ABLIM1: variants seen among roughly 807,000 people sequenced by gnomAD.
ABLIM1 encodes actin-binding LIM protein 1.
A neutral mutation model predicts 107.0 loss-of-function variants in ABLIM1; 40 were observed. The ratio of observed to expected loss-of-function variants is 0.37; its 90% CI spans 0.29 to 0.49. The LOEUF (loss-of-function observed/expected upper bound fraction) is 0.49, where lower values mean the gene tolerates loss of function less well. Among genes scored for constraint, ABLIM1 ranks in the 20% least tolerant of loss-of-function variants. ABLIM1 has a pLI of 0.97. For missense variants in ABLIM1, 857 were observed against 1,008.5 expected (o/e 0.85, Z 2.04); for synonymous variants, 357 against 357.3 (o/e 1.00, Z 0.01).
At chr10:114,498,640 C>T (rs535531931) in intron 6 of ABLIM1, among the ~76,000 whole-genome samples, 7 of 152,328 alleles carry the variant, frequency 4.6e-5, no homozygotes, top group Non-Finnish European at 8.8e-5. Flanking sequence ...CCTTAATCCA[C>T]TTATAACTTA....
chr10:114,574,220 T>C (rs1175817027), intron 3 of ABLIM1, among the ~76,000 whole-genome samples: 1 of 152,088 alleles, frequency 6.6e-6, no homozygotes, highest in African/African-American at 2.4e-5. Context: ...AGCAAATAGA[T>C]CTCCACTTGA....
intron 12 of ABLIM1, among the ~76,000 whole-genome samples, chr10:114,463,907 A>G (rs192624567): frequency 9.8e-5 from 15 of 152,322 alleles, no homozygotes; most frequent in Non-Finnish European, 1.9e-4. Flanking sequence ...TTAAAGCCTA[A>G]CAAGTGGCAT....
Position 114,509,267 on chromosome 10 carries a change from G to T in ABLIM1, c.895-17389C>A, listed in dbSNP as rs1565699290. On this transcript the variant is annotated intron_variant, in intron 6 of 22. Coordinates refer to ENST00000533213, the MANE Select transcript of ABLIM1 (RefSeq NM_002313.7). ...GTGCGGTGTGAGAAAGGACTCCCAGGACGAGTCAGGGTGAGGCGCCAGCAG... is the reference window on the plus strand; with the variant it reads ...GTGCGGTGTGAGAAAGGACTCCCAGTACGAGTCAGGGTGAGGCGCCAGCAG... 2.0e-5 allele frequency among the ~76,000 whole-genome samples: 3 copies of T among 152,164 alleles called. No homozygotes were observed. In the East Asian group the frequency reaches 5.8e-4, roughly 29 times the overall value.
At chr10:114,601,706 G>C in intron 2 of ABLIM1, 121 bp downstream of exon 2, 2 of 1,486,360 alleles carry the variant, frequency 1.3e-6, no homozygotes, top group Non-Finnish European at 1.9e-6. Context: ...ATGATGTCAG[G>C]GCTTCTGAGA....
At chr10:114,632,142 C>G in intron 1 of ABLIM1, 1 of 985,410 alleles carries the variant, frequency 1.0e-6, no homozygotes, top group African/African-American at 1.7e-5. Context: ...CTCCGCCCGC[C>G]CGCCGAGCTG....
chr10:114,676,252 G>A (rs2080477170), intron 1 of ABLIM1, among the ~76,000 whole-genome samples: 1 of 152,204 alleles, frequency 6.6e-6, no homozygotes, highest in Non-Finnish European at 1.5e-5. Context: ...GCCGAGGTGG[G>A]TGAATCACGA....
At chr10:114,579,565 T>C (rs1208457619) in intron 2 of ABLIM1, among the ~76,000 whole-genome samples, 2 of 152,252 alleles carry the variant, frequency 1.3e-5, no homozygotes, top group African/African-American at 4.8e-5. Context: ...GTCCATTTTG[T>C]AATTTTATTT....
At chr10:114,674,885 G>C (rs1025910337) in intron 1 of ABLIM1, among the ~76,000 whole-genome samples, 29 of 152,112 alleles carry the variant, frequency 1.9e-4, no homozygotes, top group African/African-American at 7.0e-4. Flanking sequence ...ATGAAAGTTT[G>C]TGGGAGGCTG....
At chr10:114,656,352 G>A (rs183962001) in intron 1 of ABLIM1, among the ~76,000 whole-genome samples, 4 of 151,566 alleles carry the variant, frequency 2.6e-5, no homozygotes, top group Admixed American at 2.6e-4. Flanking sequence ...ATATGCTGCT[G>A]GTGGGAATGT....
intron 4 of ABLIM1, among the ~76,000 whole-genome samples, chr10:114,562,651 G>C (rs1034695654): frequency 1.3e-5 from 2 of 152,192 alleles, no homozygotes; most frequent in Non-Finnish European, 2.9e-5. Context: ...AAATAACAGA[G>C]AGTTTAAACA....
chr10:114,690,688 A>ATT, intron 1 of ABLIM1: 160 of 404,258 alleles, frequency 4.0e-4, no homozygotes, highest in Middle Eastern at 9.2e-4. Flanking sequence ...GCAAAAGCCT[A>ATT]TTTTTTTTTT....
At chr10:114,740,608 T>C (rs2082266831) in intron 1 of ABLIM1, among the ~76,000 whole-genome samples, 1 of 152,090 alleles carries the variant, frequency 6.6e-6, no homozygotes, top group Non-Finnish European at 1.5e-5. Context: ...ATTAGTACTA[T>C]ACTGATTAGA....
intron 1 of ABLIM1, among the ~76,000 whole-genome samples, chr10:114,692,316 A>G (rs1044986719): frequency 6.6e-6 from 1 of 152,242 alleles, no homozygotes; most frequent in Admixed American, 6.5e-5. Flanking sequence ...AAAGATTTCA[A>G]AGATTTCTGA....
At position 114,436,181 on chromosome 10, in the gene ABLIM1, A is replaced by G; in HGVS notation, c.*79T>C. ...ACGGTAGTTTGCAAATTCTCCAATC[A>G]AGTTTGGGCCTCAATATGACATCCT... On this transcript the variant is annotated 3_prime_UTR_variant, in exon 23 of 23. Coordinates refer to ENST00000533213, the MANE Select transcript of ABLIM1 (RefSeq NM_002313.7). 1.7e-6 allele frequency: 2 copies of G among 1,144,918 alleles called. No homozygotes were observed. Among genetic ancestry groups the G allele is most frequent in the Non-Finnish European group, 2.5e-6 (2 of 789,568 alleles). 70.9% of individuals were successfully genotyped at this position (1,144,918 alleles called of 1,614,324 possible).
Position 114,520,220 on chromosome 10 carries a change from C to A in ABLIM1, c.894+24785G>T, listed in dbSNP as rs145585558. On this transcript the variant is annotated intron_variant, in intron 6 of 22. Transcript: ENST00000533213. ...GCTCCATGGAGTCACAGCTCCAAGC[C>A]AGCTTACAGCATTACATTTATATGT... Among the ~76,000 whole-genome samples, 174 of 152,302 alleles carry A rather than the reference C, an allele frequency of 1.1e-3. 1 individual carries two copies. Among genetic ancestry groups the A allele is most frequent in the African/African-American group, 4.0e-3 (166 of 41,560 alleles).
chr10:114,485,312 C>T, intron 8 of ABLIM1: 1 of 1,612,318 alleles, frequency 6.2e-7, no homozygotes, highest in Non-Finnish European at 8.5e-7. Flanking sequence ...GAGACGGAGA[C>T]CGTCCTGTGC....
chr10:114,530,682 C>T (rs1351471220), intron 6 of ABLIM1, among the ~76,000 whole-genome samples: 7 of 151,974 alleles, frequency 4.6e-5, no homozygotes, highest in African/African-American at 1.2e-4. Flanking sequence ...TACAGGCATC[C>T]GCCACCATAG....
chr10:114,583,698 G>C (rs1027099318), intron 2 of ABLIM1, among the ~76,000 whole-genome samples: 1 of 151,688 alleles, frequency 6.6e-6, no homozygotes, highest in Admixed American at 6.6e-5. Flanking sequence ...GTTTACAACA[G>C]TAAAGACACG....
intron 7 of ABLIM1, among the ~76,000 whole-genome samples, chr10:114,488,231 T>C (rs2058461978): frequency 6.6e-6 from 1 of 152,176 alleles, no homozygotes; most frequent in African/African-American, 2.4e-5. Flanking sequence ...ATAAAGGTCA[T>C]AATTCTAGAC....
Sources: allele counts gnomAD v4.1 joint callset (sites outside exome capture counted in the v4.1 genomes callset), GRCh38; gene constraint gnomAD v4.1.1; transcripts MANE v1.5; gene names NCBI Gene and HGNC (gene_info 2026-07-23, HGNC 2026-07-21).